SNTG1: variants seen among roughly 807,000 people sequenced by gnomAD.
SNTG1 encodes the protein syntrophin gamma 1.
Under a neutral mutation model 74.7 loss-of-function variants are expected in SNTG1, and 39 were observed. That is an observed-to-expected ratio of 0.52 (90% CI 0.40 to 0.68). The LOEUF is 0.68. Among genes scored for constraint, SNTG1 ranks in the 30% least tolerant of loss-of-function variants. The probability of loss-of-function intolerance (pLI) is 0.00; values close to 1 mark genes in which losing one functional copy is unlikely to be tolerated. For synonymous variants in SNTG1, 254 were observed against 217.1 expected, an observed-to-expected ratio of 1.17 and a Z score of -1.49; for missense variants, 685 against 609.5, an observed-to-expected ratio of 1.12 and a Z score of -1.30.
intron 1 of SNTG1, among the ~76,000 whole-genome samples, chr8:49,986,749 T>C (rs962460462): frequency 6.8e-6 from 1 of 147,878 alleles, no homozygotes; most frequent in Non-Finnish European, 1.5e-5. Context: ...GGTGTTGTGG[T>C]GCATGCCTGT....
intron 2 of SNTG1, among the ~76,000 whole-genome samples, chr8:50,175,645 G>A (rs979365986): frequency 6.6e-6 from 1 of 152,156 alleles, no homozygotes; most frequent in African/African-American, 2.4e-5. Context: ...ATCATGCACA[G>A]TAAATCCTGA....
At chr8:50,519,696 C>T (rs949522108) in intron 9 of SNTG1, among the ~76,000 whole-genome samples, 18 of 152,148 alleles carry the variant, frequency 1.2e-4, no homozygotes, top group African/African-American at 4.3e-4. Flanking sequence ...AGTGAACTCT[C>T]ATTCACAATT....
At position 50,792,974 on chromosome 8, in the gene SNTG1, G is replaced by A; in HGVS notation, c.*145G>A. On this transcript the variant is annotated 3_prime_UTR_variant, in exon 19 of 19. Transcript: ENST00000642720. ...TTCGGCAGAAAAAGAAGGTCATGTG[G>A]AACCTCAAAAACACTTCTATTCTGG... The A allele has an allele frequency of 2.5e-6, 2 of 808,156 alleles. No homozygotes were observed. The highest frequency in any genetic ancestry group is 3.7e-6 in the Non-Finnish European group (2 of 546,668). The allele number at this position is 808,156 out of a possible 1,614,324, so 50.1% of individuals were successfully genotyped here. A position where few individuals can be genotyped will look rare whatever the true frequency, so the allele number is the denominator to read the frequency against.
intron 1 of SNTG1, among the ~76,000 whole-genome samples, chr8:49,994,064 C>G (rs1377185018): frequency 6.6e-6 from 1 of 151,892 alleles, no homozygotes; most frequent in Non-Finnish European, 1.5e-5. Context: ...TTACTACAAG[C>G]CTTTTCAGTG....
At chr8:50,403,170 C>T (rs1425752193) in intron 4 of SNTG1, among the ~76,000 whole-genome samples, 4 of 152,146 alleles carry the variant, frequency 2.6e-5, no homozygotes, top group African/African-American at 9.7e-5. Flanking sequence ...CCTGCTTTCC[C>T]CAAACATCTG....
At chr8:49,946,585 C>A (rs1327204723) in intron 1 of SNTG1, among the ~76,000 whole-genome samples, 4 of 152,166 alleles carry the variant, frequency 2.6e-5, no homozygotes, top group African/African-American at 9.6e-5. Context: ...TTTCTTTACT[C>A]CAGAAATAAA....
intron 5 of SNTG1, 75 bp downstream of exon 5, chr8:50,438,674 C>A: frequency 8.0e-7 from 1 of 1,255,830 alleles, no homozygotes; most frequent in Non-Finnish European, 1.2e-6. Context: ...TCAATGTTTG[C>A]TGATTAATAA....
At chr8:50,033,028 G>T (rs1817862089) in intron 1 of SNTG1, among the ~76,000 whole-genome samples, 1 of 151,248 alleles carries the variant, frequency 6.6e-6, no homozygotes, top group Admixed American at 6.6e-5. Context: ...TTAAATCTTG[G>T]GTTTGTTTTA....
At chr8:49,967,105 CG>C (rs760175350) in intron 1 of SNTG1, among the ~76,000 whole-genome samples, 231 of 152,248 alleles carry the variant, frequency 1.5e-3, no homozygotes, top group Non-Finnish European at 2.9e-3. Flanking sequence ...GTCCCAAGGG[CG>C]TAAGTATTTT....
intron 1 of SNTG1, among the ~76,000 whole-genome samples, chr8:50,084,190 A>G (rs955657937): frequency 1.4e-4 from 21 of 152,214 alleles, no homozygotes; most frequent in African/African-American, 5.1e-4. Flanking sequence ...GGCCAGGCGC[A>G]GTGGCTCACG....
chr8:50,601,442 CTT>C (rs1359851272), intron 13 of SNTG1, among the ~76,000 whole-genome samples: 2 of 152,018 alleles, frequency 1.3e-5, no homozygotes, highest in African/African-American at 4.8e-5. Context: ...TAAAATTCCT[CTT>C]GTTATTTATT....
chr8:50,374,722 T>C (rs1048041680), intron 2 of SNTG1, among the ~76,000 whole-genome samples: 1 of 152,218 alleles, frequency 6.6e-6, no homozygotes, highest in Admixed American at 6.5e-5. Flanking sequence ...CAATGTGAAC[T>C]GCTCAGCATT....
intron 1 of SNTG1, among the ~76,000 whole-genome samples, chr8:50,147,344 C>T (rs530752055): frequency 6.6e-6 from 1 of 152,202 alleles, no homozygotes; most frequent in East Asian, 1.9e-4. Context: ...TTGGAGCTGA[C>T]TTGAGAAACA....
At chr8:49,999,492 T>C (rs1187927287) in intron 1 of SNTG1, among the ~76,000 whole-genome samples, 1 of 152,184 alleles carries the variant, frequency 6.6e-6, no homozygotes, top group Non-Finnish European at 1.5e-5. Flanking sequence ...TCAAGTCTGA[T>C]TAGTATCTCT....
At chr8:50,449,040 AATAAATAAATAC>A (rs1437265951) in intron 5 of SNTG1, among the ~76,000 whole-genome samples, 8 of 152,094 alleles carry the variant, frequency 5.3e-5, no homozygotes, top group Non-Finnish European at 1.0e-4. Flanking sequence ...CAAAAAATAA[AATAAATAAATAC>A]ATAAATAAAT....
chr8:50,656,857 G>T, intron 13 of SNTG1, 52 bp from the exon 14 acceptor site: 1 of 1,109,826 alleles, frequency 9.0e-7, no homozygotes, highest in Non-Finnish European at 1.4e-6. Context: ...TTAGATATAA[G>T]ATATCTAAAA....
intron 18 of SNTG1, among the ~76,000 whole-genome samples, chr8:50,776,875 T>G (rs538067911): frequency 6.6e-5 from 10 of 152,098 alleles, no homozygotes; most frequent in South Asian, 4.1e-4. Flanking sequence ...GGATTGACAG[T>G]TCTTTTCTTT....
intron 11 of SNTG1, among the ~76,000 whole-genome samples, chr8:50,544,805 G>T (rs942328548): frequency 6.6e-6 from 1 of 152,050 alleles, no homozygotes; most frequent in African/African-American, 2.4e-5. Context: ...CTTAATATCT[G>T]TAAGTGGGAG....
chr8:50,162,486 C>T (rs1352219188), intron 1 of SNTG1, among the ~76,000 whole-genome samples: 2 of 147,530 alleles, frequency 1.4e-5, no homozygotes, highest in Non-Finnish European at 1.5e-5. Flanking sequence ...GGCATGAACC[C>T]GGGAGGTGGA....
Sources: allele counts gnomAD v4.1 joint callset (sites outside exome capture counted in the v4.1 genomes callset), GRCh38; gene constraint gnomAD v4.1.1; transcripts MANE v1.5; gene names NCBI Gene and HGNC (gene_info 2026-07-23, HGNC 2026-07-21).